DLG1: variants seen among roughly 807,000 people sequenced by gnomAD.
The protein encoded by DLG1 is discs large MAGUK scaffold protein 1, also known as disks large homolog 1.
DLG1 carries 42 observed loss-of-function variants against 123.4 expected under a neutral mutation model. The observed-to-expected ratio is 0.34, with a 90% CI of 0.27 to 0.44. DLG1 has a LOEUF of 0.44. DLG1 is among the 20% of genes least tolerant of loss of function. The pLI is 1.00. For missense variants in DLG1, 942 were observed against 1,082.6 expected (o/e 0.87, Z 1.82); for synonymous variants, 317 against 356.2 (o/e 0.89, Z 1.24).
At chr3:197,095,783 T>G (rs1760317036) in intron 14 of DLG1, among the ~76,000 whole-genome samples, 1 of 152,202 alleles carries the variant, frequency 6.6e-6, no homozygotes, top group African/African-American at 2.4e-5. Flanking sequence ...AACTCATTAT[T>G]TCCTACTTTA....
chr3:197,050,593 G>GT (rs1726903341), intron 24 of DLG1, among the ~76,000 whole-genome samples: 1 of 152,150 alleles, frequency 6.6e-6, no homozygotes, highest in Admixed American at 6.5e-5. Flanking sequence ...AGCAAATACT[G>GT]TATTTCATTT....
chr3:197,194,734 G>A, intron 4 of DLG1, 145 bp from the exon 5 acceptor site: 1 of 471,502 alleles, frequency 2.1e-6, no homozygotes, highest in East Asian at 3.6e-5. Context: ...CAGAGAAATA[G>A]GATTTTACTT....
chr3:197,219,245 T>C (rs1353680956), intron 4 of DLG1, among the ~76,000 whole-genome samples: 2 of 152,210 alleles, frequency 1.3e-5, no homozygotes, highest in Admixed American at 1.3e-4. Flanking sequence ...TCTTTGGTAG[T>C]AGCAAATAGG....
At chr3:197,242,040 G>A (rs2150745544) in intron 4 of DLG1, among the ~76,000 whole-genome samples, 1 of 152,150 alleles carries the variant, frequency 6.6e-6, no homozygotes, top group South Asian at 2.1e-4. Flanking sequence ...CCAATTCCAT[G>A]CTGTCTACAA....
chr3:197,211,994 A>G (rs558807737), intron 4 of DLG1, among the ~76,000 whole-genome samples: 1 of 146,596 alleles, frequency 6.8e-6, no homozygotes, highest in East Asian at 2.0e-4. Context: ...ACAGGAACAG[A>G]AAACCAAATA....
intron 18 of DLG1, 109 bp from the exon 19 acceptor site, chr3:197,069,369 T>G (rs981974331): frequency 4.8e-6 from 3 of 624,532 alleles, no homozygotes; most frequent in Non-Finnish European, 7.6e-6. Flanking sequence ...AATAATTTTT[T>G]AAAAGCATTT....
intron 11 of DLG1, among the ~76,000 whole-genome samples, chr3:197,120,778 T>G (rs1401102125): frequency 6.6e-6 from 1 of 152,218 alleles, no homozygotes; most frequent in African/African-American, 2.4e-5. Flanking sequence ...GTGTATCTAT[T>G]GATATTACAG....
At chr3:197,221,722 T>C (rs1383227597) in intron 4 of DLG1, among the ~76,000 whole-genome samples, 1 of 152,212 alleles carries the variant, frequency 6.6e-6, no homozygotes, top group Non-Finnish European at 1.5e-5. Context: ...GTAAAAATAC[T>C]GCCTGTATGC....
At chr3:197,052,873 T>G (rs1728906286) in intron 23 of DLG1, among the ~76,000 whole-genome samples, 1 of 152,178 alleles carries the variant, frequency 6.6e-6, no homozygotes, top group Non-Finnish European at 1.5e-5. Context: ...CATGAATAGA[T>G]CTTACTAAAA....
chr3:197,288,548 C>A (rs1167556882), intron 3 of DLG1, among the ~76,000 whole-genome samples: 1 of 149,606 alleles, frequency 6.7e-6, no homozygotes, highest in East Asian at 2.0e-4. Flanking sequence ...ATGAAGAAAC[C>A]CTGTCTGTAT....
intron 5 of DLG1, among the ~76,000 whole-genome samples, chr3:197,152,730 T>C (rs1378999361): frequency 1.7e-5 from 2 of 120,762 alleles, no homozygotes; most frequent in Non-Finnish European, 3.2e-5. Flanking sequence ...ACCACTGCAC[T>C]CCAGCCTGGG....
chr3:197,148,849 T>C (rs1792457450), intron 6 of DLG1, among the ~76,000 whole-genome samples: 1 of 152,128 alleles, frequency 6.6e-6, no homozygotes, highest in Admixed American at 6.5e-5. Context: ...TATCACGAAA[T>C]TGCGGCATTT....
intron 24 of DLG1, among the ~76,000 whole-genome samples, chr3:197,050,589 T>C (rs1726896507): frequency 6.6e-6 from 1 of 152,094 alleles, no homozygotes; most frequent in Non-Finnish European, 1.5e-5. Flanking sequence ...GAAAAGCAAA[T>C]ACTGTATTTC....
At chr3:197,092,350 G>C (rs55863631) in intron 14 of DLG1, among the ~76,000 whole-genome samples, 20,268 of 152,066 alleles carry the variant, frequency 0.13, 1,911 homozygotes, top group African/African-American at 0.26. Flanking sequence ...TAAAAGTACC[G>C]GCATAATGAC....
intron 4 of DLG1, among the ~76,000 whole-genome samples, chr3:197,260,051 A>G (rs935422189): frequency 2.0e-5 from 3 of 152,158 alleles, no homozygotes; most frequent in African/African-American, 7.2e-5. Flanking sequence ...TCAGGGAAAA[A>G]ACATCTGTGC....
chr3:197,158,201 A>C (rs1418004846), intron 5 of DLG1, among the ~76,000 whole-genome samples: 1 of 152,196 alleles, frequency 6.6e-6, no homozygotes, highest in Non-Finnish European at 1.5e-5. Flanking sequence ...CACAAATGCA[A>C]GTCAAAACTA....
At chr3:197,183,692 GC>G (rs747457611) in intron 5 of DLG1, 1 of 1,550,576 alleles carries the variant, frequency 6.4e-7, no homozygotes, top group South Asian at 1.2e-5. Flanking sequence ...CATCTGACGA[GC>G]CCTTTTTTGC....
intron 23 of DLG1, among the ~76,000 whole-genome samples, chr3:197,052,732 C>T (rs888514802): frequency 6.6e-6 from 1 of 151,996 alleles, no homozygotes; most frequent in African/African-American, 2.4e-5. Flanking sequence ...TCAGAAAATA[C>T]AGTCTGGGGA....
chr3:197,104,852 A>G, intron 14 of DLG1, 51 bp downstream of exon 14: 1 of 1,294,582 alleles, frequency 7.7e-7, no homozygotes, highest in South Asian at 1.2e-5. Context: ...AAGAGGAAGA[A>G]TTTTAAAAAC....
Sources: allele counts gnomAD v4.1 joint callset (sites outside exome capture counted in the v4.1 genomes callset), GRCh38; gene constraint gnomAD v4.1.1; transcripts MANE v1.5; gene names NCBI Gene and HGNC (gene_info 2026-07-23, HGNC 2026-07-21).